PDE1C: variants seen among roughly 807,000 people sequenced by gnomAD.
PDE1C encodes the protein phosphodiesterase 1C.
Under a neutral mutation model 93.1 loss-of-function variants are expected in PDE1C, and 62 were observed. The observed-to-expected ratio is 0.67, with a 90% CI of 0.54 to 0.82. PDE1C has a LOEUF of 0.82. Ranked by LOEUF, PDE1C falls within the 40% of genes least tolerant of loss-of-function variation. The pLI is 0.00. For missense variants in PDE1C, 742 were observed against 884.6 expected (o/e 0.84, Z 2.04); for synonymous variants, 325 against 310.1 (o/e 1.05, Z -0.50).
intron 3 of PDE1C, among the ~76,000 whole-genome samples, chr7:32,112,192 G>A (rs1327280152): frequency 1.3e-5 from 2 of 152,110 alleles, no homozygotes; most frequent in African/African-American, 2.4e-5. Flanking sequence ...GATTGCTGGA[G>A]AGCCCTCATT....
intron 1 of PDE1C, among the ~76,000 whole-genome samples, chr7:32,273,799 G>A (rs1051909690): frequency 3.9e-5 from 6 of 152,166 alleles, no homozygotes; most frequent in African/African-American, 7.2e-5. Context: ...TGGCAGCCTC[G>A]TTCAGAGAAA....
intron 1 of PDE1C, among the ~76,000 whole-genome samples, chr7:32,069,453 T>C (rs1237324294): frequency 2.0e-5 from 3 of 152,078 alleles, no homozygotes; most frequent in Non-Finnish European, 4.4e-5. Context: ...CTAGTAGTAA[T>C]GGAAGGTGTC....
intron 16 of PDE1C, among the ~76,000 whole-genome samples, chr7:31,796,596 A>T (rs934891182): frequency 6.6e-6 from 1 of 151,784 alleles, no homozygotes; most frequent in Admixed American, 6.6e-5. Flanking sequence ...AATAAGTAAC[A>T]GGTTTTGTAC....
At chr7:32,130,408 T>G (rs1334780360) in intron 3 of PDE1C, among the ~76,000 whole-genome samples, 1 of 152,092 alleles carries the variant, frequency 6.6e-6, no homozygotes, top group Non-Finnish European at 1.5e-5. Context: ...CTTTCTCTCC[T>G]TCCTCTCTCC....
intron 5 of PDE1C, among the ~76,000 whole-genome samples, chr7:31,876,557 G>C (rs893663731): frequency 6.6e-6 from 1 of 152,010 alleles, no homozygotes; most frequent in African/African-American, 2.4e-5. Context: ...TCCCGATAAA[G>C]GAAAAAATTA....
chr7:32,359,892 T>G (rs1425376137), intron 1 of PDE1C, among the ~76,000 whole-genome samples: 2 of 152,176 alleles, frequency 1.3e-5, no homozygotes, highest in African/African-American at 4.8e-5. Context: ...TCAACTCAAA[T>G]GCCACCCCAT....
At chr7:31,739,361 A>C in the PDE1C span, among the ~76,000 whole-genome samples, 1 of 152,126 alleles carries the variant, frequency 6.6e-6, no homozygotes, top group Non-Finnish European at 1.5e-5. Context: ...GAGAGCCTTC[A>C]TGGGGTCCCT....
At chr7:31,962,438 C>T (rs1469245606) in intron 2 of PDE1C, among the ~76,000 whole-genome samples, 3 of 152,300 alleles carry the variant, frequency 2.0e-5, no homozygotes, top group Admixed American at 6.5e-5. Flanking sequence ...TGCTTATGGC[C>T]CACACTTTCC....
At chr7:32,379,133 C>T (rs530306758) in intron 1 of PDE1C, among the ~76,000 whole-genome samples, 108 of 152,178 alleles carry the variant, frequency 7.1e-4, no homozygotes, top group Non-Finnish European at 1.3e-3. Flanking sequence ...ACGTGCAGTT[C>T]CCTGAGAGAA....
chr7:31,652,457 T>TA, the PDE1C span: 1 of 1,508,980 alleles, frequency 6.6e-7, no homozygotes, highest in South Asian at 1.3e-5. Context: ...CAAGTTTGAG[T>TA]AAGCTGTTTG....
intron 3 of PDE1C, among the ~76,000 whole-genome samples, chr7:32,144,068 C>T (rs1170470961): frequency 6.6e-6 from 1 of 152,116 alleles, no homozygotes; most frequent in Non-Finnish European, 1.5e-5. Context: ...GCATAAAGGG[C>T]TTGCCATGGT....
At chr7:31,765,527 G>C (rs1274719411) in intron 17 of PDE1C, among the ~76,000 whole-genome samples, 1 of 152,168 alleles carries the variant, frequency 6.6e-6, no homozygotes, top group African/African-American at 2.4e-5. Flanking sequence ...AGGCTATTCA[G>C]AAGCTCCTAT....
At chr7:31,786,789 C>G (rs925607594) in intron 16 of PDE1C, 1 of 152,098 alleles carries the variant, frequency 6.6e-6, no homozygotes, top group Non-Finnish European at 1.5e-5. Context: ...AGATTTCATG[C>G]TTTTTTTCTA....
chr7:31,727,725 G>A, the PDE1C span, among the ~76,000 whole-genome samples: 1 of 152,132 alleles, frequency 6.6e-6, no homozygotes, highest in Non-Finnish European at 1.5e-5. Flanking sequence ...TACAATGGGA[G>A]ATGTGTGCAT....
intron 2 of PDE1C, among the ~76,000 whole-genome samples, chr7:32,029,027 C>T (rs1263317059): frequency 1.3e-5 from 2 of 152,000 alleles, no homozygotes; most frequent in African/African-American, 4.8e-5. Context: ...ATATAAGGAG[C>T]TCAAACAATT....
At chr7:31,732,038 G>A in the PDE1C span, among the ~76,000 whole-genome samples, 6 of 152,334 alleles carry the variant, frequency 3.9e-5, no homozygotes, top group South Asian at 2.1e-4. Flanking sequence ...ACGCCTGCAC[G>A]CAGATGCTCC....
chr7:31,655,744 T>G, the PDE1C span: 1 of 985,754 alleles, frequency 1.0e-6, no homozygotes, highest in Middle Eastern at 5.2e-4. Flanking sequence ...CCAAATCGTT[T>G]CCCTTGCTAA....
At chr7:32,080,397 T>C (rs761858031) in intron 3 of PDE1C, among the ~76,000 whole-genome samples, 3 of 152,114 alleles carry the variant, frequency 2.0e-5, no homozygotes, top group Admixed American at 6.5e-5. Flanking sequence ...GGCACAAAGT[T>C]AGTGATTCCT....
intron 1 of PDE1C, among the ~76,000 whole-genome samples, chr7:32,360,400 G>C (rs1784114786): frequency 6.6e-6 from 1 of 152,226 alleles, no homozygotes; most frequent in South Asian, 2.1e-4. Context: ...ACAAGTGAGG[G>C]CAGTATCACT....
Sources: gnomAD v4.1 joint callset for allele counts (sites outside exome capture counted in the v4.1 genomes callset) on GRCh38, gnomAD v4.1.1 for gene constraint, MANE v1.5 for transcripts, NCBI Gene and HGNC (gene_info 2026-07-23, HGNC 2026-07-21) for gene names.